Variants in USP33 observed in about 807,000 individuals in gnomAD.
USP33 encodes ubiquitin specific peptidase 33.
USP33 carries 46 observed loss-of-function variants against 124.2 expected under a neutral mutation model. The observed-to-expected ratio is 0.37, with a 90% CI of 0.29 to 0.47. The LOEUF (loss-of-function observed/expected upper bound fraction) is 0.47. Among genes scored for constraint, USP33 ranks in the 20% least tolerant of loss-of-function variants. The pLI is 0.99. For synonymous variants in USP33, 350 were observed against 352.3 expected (o/e 0.99, Z 0.07); for missense variants, 851 against 1,070.6 (o/e 0.79, Z 2.86).
chr1:77,719,793 G>A (rs1676344218), intron 15 of USP33, among the ~76,000 whole-genome samples: 1 of 149,144 alleles, frequency 6.7e-6, no homozygotes, highest in Non-Finnish European at 1.5e-5. Flanking sequence ...GGCAGAGGTT[G>A]CAGTGAGCCG....
At chr1:77,713,091 G>A in intron 20 of USP33, 109 bp downstream of exon 20, 2 of 855,084 alleles carry the variant, frequency 2.3e-6, no homozygotes, top group Non-Finnish European at 3.6e-6. Context: ...ATAAGTAAGG[G>A]AAAAGAATAA....
chr1:77,708,447 ACAGC>A (rs1674875318), intron 21 of USP33, among the ~76,000 whole-genome samples: 1 of 152,184 alleles, frequency 6.6e-6, no homozygotes, highest in Admixed American at 6.5e-5. Context: ...AACATCTTTA[ACAGC>A]AGCATCCTGT....
At chr1:77,739,117 G>T in intron 5 of USP33, 148 bp downstream of exon 5, 2 of 869,914 alleles carry the variant, frequency 2.3e-6, no homozygotes, top group East Asian at 2.7e-5. Flanking sequence ...GAGTCTGAGT[G>T]CTTTATTTGA....
Position 77,716,011 on chromosome 1 carries a change from C to T in USP33, c.1919-143G>A. ...TTGTATTTTTTTTTCAGTTTGCACG[C>T]TTGCCACCATTCCTTCATCACCTGA... On this transcript the variant is annotated intron_variant, in intron 17 of 23. Transcript: ENST00000370794. 4 of 850,072 alleles carry T rather than the reference C, an allele frequency of 4.7e-6. No individual in the cohort carries two copies. The South Asian group carries it at 9.2e-5, about 20-fold the overall frequency. The allele number at this position is 850,072 out of a possible 1,614,324, so 52.7% of individuals were successfully genotyped here.
At position 77,729,901 on chromosome 1, in the gene USP33, T is replaced by C. The variant is rs1677603861; in HGVS notation, c.676A>G (p.Ile226Val). Residue 226 changes from isoleucine to valine, a missense_variant, in exon 9 of 24, where the codon ATT (isoleucine) becomes GTT (valine). Ile to Val is a conservative substitution (Grantham distance 29). Around this residue, in one of 4 missense-constraint regions of USP33, gnomAD observed 221 missense variants for 302.9 expected, o/e 0.73. Transcript: ENST00000370794. ...SVVPTTLFQG[I>V]KTVNPTFRGY... ...CGAAATGTTGGATTTACAGTTTTAA[T>C]TCCTTGAAACAGAGTAGTAGGCACA... 2 of 1,613,924 alleles carry C rather than the reference T, an allele frequency of 1.2e-6. No homozygotes were observed. The highest frequency in any genetic ancestry group is 1.7e-6 in the Non-Finnish European group (2 of 1,179,914).
chr1:77,726,039 T>C (rs948875327), intron 10 of USP33, among the ~76,000 whole-genome samples: 1 of 152,138 alleles, frequency 6.6e-6, no homozygotes, highest in African/African-American at 2.4e-5. Context: ...AACCTCCGCA[T>C]CCTGGATTCA....
In USP33 at chr1:77,747,288, C is replaced by T. The variant is rs1359721523; in HGVS notation, c.-51-5540G>A. 4.7e-5 allele frequency among the ~76,000 whole-genome samples: 6 copies of T among 126,918 alleles called. No individual in the cohort carries two copies. The South Asian group carries it at 1.4e-3, about 29-fold the overall frequency. The allele number at this position is 126,918 out of a possible 152,430, so 83.3% of individuals were successfully genotyped here. ...AAAGAGATGGTGTCTTGTTCCATTA[C>T]TTTCATTACTCAGGGGAGTGCAGTG... On this transcript the variant is annotated intron_variant, in intron 1 of 23. Coordinates refer to ENST00000370794, the MANE Select transcript of USP33 (RefSeq NM_201624.3).
chr1:77,704,031 CTT>C (rs1393535177), intron 21 of USP33, among the ~76,000 whole-genome samples: 1 of 151,766 alleles, frequency 6.6e-6, no homozygotes, highest in Non-Finnish European at 1.5e-5. Flanking sequence ...TGGAGGATCT[CTT>C]GAGCGTGGGA....
At position 77,715,828 on chromosome 1, in the gene USP33, A is replaced by G; in HGVS notation, c.1959T>C (p.Asn653=). 1 of 1,613,940 alleles carries G rather than the reference A, an allele frequency of 6.2e-7. No homozygotes were observed. The highest frequency in any genetic ancestry group is 8.5e-7 in the Non-Finnish European group (1 of 1,179,942). ...TCTGATCATCAAATTCATACCAGAG[A>G]TTATTTAGATTGTTTCGGCAGTAGG... The part of the protein sequence containing the change: ...YIAYCRNNLN[N]LWYEFDDQSV... Residue 653 remains asparagine (N), a synonymous_variant, in exon 18 of 24, where the codon AAT becomes AAC. Transcript: ENST00000370794.
At chr1:77,759,325 G>C in intron 1 of USP33, 1 of 344,448 alleles carries the variant, frequency 2.9e-6, no homozygotes, top group Non-Finnish European at 5.2e-6. Context: ...GAAGGGAGCA[G>C]AGCCCCCGCT....
chr1:77,716,457 TAC>T (rs1229752730), intron 17 of USP33, among the ~76,000 whole-genome samples: 1 of 152,170 alleles, frequency 6.6e-6, no homozygotes, highest in Non-Finnish European at 1.5e-5. Context: ...CTGGGCCACT[TAC>T]AGACTCCAAG....
chr1:77,742,074 G>A (rs1350463559), intron 1 of USP33, among the ~76,000 whole-genome samples: 4 of 151,540 alleles, frequency 2.6e-5, no homozygotes, highest in Non-Finnish European at 5.9e-5. Flanking sequence ...ATAAAAGGGG[G>A]GAATATTCAA....
At chr1:77,758,991 C>T (rs1358852932) in intron 1 of USP33, among the ~76,000 whole-genome samples, 1 of 152,130 alleles carries the variant, frequency 6.6e-6, no homozygotes, top group African/African-American at 2.4e-5. Flanking sequence ...AACGTAAAAC[C>T]CTGTAAATAT....
Position 77,734,385 on chromosome 1 carries a change from A to C in USP33, c.486T>G (p.Thr162=), listed in dbSNP as rs1678182980. Residue 162 remains threonine, a synonymous_variant, in exon 7 of 24, where the codon ACT becomes ACG. Transcript: ENST00000370794. ...CCTGCAAAGCTGCATTCATGTAACAAGTATTTCCAATATTTTTCAAACCTG... is the reference window on the plus strand; with the variant it reads ...CCTGCAAAGCTGCATTCATGTAACACGTATTTCCAATATTTTTCAAACCTG... ...GLTGLKNIGN[T]CYMNAALQAL... 2 of 1,598,984 alleles carry C rather than the reference A, an allele frequency of 1.3e-6. No homozygotes were observed. Among genetic ancestry groups the C allele is most frequent in the African/African-American group, 2.7e-5 (2 of 74,128 alleles).
At chr1:77,732,302 C>T (rs1377127554) in intron 7 of USP33, among the ~76,000 whole-genome samples, 1 of 152,046 alleles carries the variant, frequency 6.6e-6, no homozygotes, top group Non-Finnish European at 1.5e-5. Context: ...ACTCTACCCA[C>T]ATCCTATCAA....
chr1:77,750,120 C>A (rs898997524), intron 1 of USP33, among the ~76,000 whole-genome samples: 1 of 152,128 alleles, frequency 6.6e-6, no homozygotes, highest in Non-Finnish European at 1.5e-5. Flanking sequence ...GAGTCTGAGA[C>A]CAGCCTGGCC....
At chr1:77,730,072 T>A (rs1268187306) in intron 8 of USP33, 134 bp from the exon 9 acceptor site, 3 of 800,146 alleles carry the variant, frequency 3.7e-6, no homozygotes, top group Non-Finnish European at 5.9e-6. Context: ...AACTGCCTAA[T>A]ATTATGTTTC....
At chr1:77,698,212 C>T (rs1438511343) in intron 22 of USP33, among the ~76,000 whole-genome samples, 2 of 150,988 alleles carry the variant, frequency 1.3e-5, no homozygotes, top group Non-Finnish European at 3.0e-5. Flanking sequence ...TACAGGCACA[C>T]ACCACCACGC....
Position 77,701,391 on chromosome 1 carries a change from A to G in USP33, c.2487T>C (p.Ser829=), listed in dbSNP as rs1222296760. 6.2e-7 allele frequency: 1 copy of G among 1,610,966 alleles called. No individual in the cohort carries two copies. Among genetic ancestry groups the G allele is most frequent in the African/African-American group, 1.3e-5 (1 of 74,830 alleles). The change falls in exon 22 of 24, where the codon AGT becomes AGC. Residue 829 remains serine (S), a synonymous_variant. Coordinates refer to ENST00000370794, the MANE Select transcript of USP33 (RefSeq NM_201624.3). ...ISMQWFREWE[S]FVKGKDGDPP... is the part of the protein sequence containing the mutation. ...TACCTCCATCTTTACCCTTCACAAAACTTTCCCATTCTCTAAACCACTGCA... is the reference window on the plus strand; with the variant it reads ...TACCTCCATCTTTACCCTTCACAAAGCTTTCCCATTCTCTAAACCACTGCA...
Sources: allele counts gnomAD v4.1 joint callset (sites outside exome capture counted in the v4.1 genomes callset), GRCh38; gene constraint gnomAD v4.1.1; regional missense constraint gnomAD v4.1.1; transcripts MANE v1.5; gene names NCBI Gene and HGNC (gene_info 2026-07-23, HGNC 2026-07-21).